CAMK2A: variants seen among roughly 807,000 people sequenced by gnomAD.
CAMK2A encodes calcium/calmodulin-dependent protein kinase type II subunit alpha.
Under a neutral mutation model 79.2 loss-of-function variants are expected in CAMK2A, and 7 were observed. The observed-to-expected ratio is 0.09, with a 90% CI of 0.05 to 0.17. The LOEUF is 0.17. CAMK2A is among the 10% of genes least tolerant of loss of function. The pLI is 1.00. For missense variants in CAMK2A, 214 were observed against 646.4 expected, an observed-to-expected ratio of 0.33 and a Z score of 7.25; for synonymous variants, 242 against 251.7, an observed-to-expected ratio of 0.96 and a Z score of 0.36.
intron 12 of CAMK2A, 137 bp from the exon 13 acceptor site, chr5:150,245,338 G>GCCTCCT (rs34649296): frequency 0.032 from 21,296 of 658,576 alleles, 532 homozygotes; most frequent in African/African-American, 0.13. Flanking sequence ...CCTGGGGGAG[G>GCCTCCT]CCTCCTCCTC....
chr5:150,272,975 A>G, intron 2 of CAMK2A, 90 bp downstream of exon 2: 1 of 982,018 alleles, frequency 1.0e-6, no homozygotes, highest in Non-Finnish European at 1.6e-6. Flanking sequence ...CCAGGGGCTC[A>G]GCCCTGGATC....
intron 2 of CAMK2A, among the ~76,000 whole-genome samples, chr5:150,270,102 G>T (rs1180645427): frequency 1.3e-5 from 2 of 152,200 alleles, no homozygotes; most frequent in African/African-American, 4.8e-5. Flanking sequence ...GTGTGCAGTG[G>T]GGAGGACGAG....
intron 4 of CAMK2A, 116 bp downstream of exon 4, chr5:150,257,447 C>A (rs1161451266): frequency 1.1e-6 from 1 of 885,722 alleles, no homozygotes; most frequent in Non-Finnish European, 1.8e-6. Flanking sequence ...AGGCCCACCA[C>A]ATTTGGGGAA....
At chr5:150,274,767 A>G (rs1756883664) in intron 1 of CAMK2A, among the ~76,000 whole-genome samples, 1 of 152,184 alleles carries the variant, frequency 6.6e-6, no homozygotes, top group Non-Finnish European at 1.5e-5. Context: ...TGTGTCTAGA[A>G]CTCAGATGTT....
At chr5:150,288,303 A>G (rs1757516614) in intron 1 of CAMK2A, among the ~76,000 whole-genome samples, 1 of 152,088 alleles carries the variant, frequency 6.6e-6, no homozygotes, top group South Asian at 2.1e-4. Context: ...GTGCACATTT[A>G]ATGAGTCATG....
chr5:150,244,405 C>A (rs928474676), intron 13 of CAMK2A, among the ~76,000 whole-genome samples: 1 of 152,254 alleles, frequency 6.6e-6, no homozygotes, highest in African/African-American at 2.4e-5. Flanking sequence ...AGCCCTGGGG[C>A]CCTCGCCAGG....
intron 14 of CAMK2A, among the ~76,000 whole-genome samples, chr5:150,239,261 C>A (rs55643067): frequency 6.6e-6 from 1 of 152,220 alleles, no homozygotes; most frequent in African/African-American, 2.4e-5. Context: ...GCTGGTGGCT[C>A]CCCTGCCACC....
At chr5:150,249,392 C>T (rs567510544) in intron 11 of CAMK2A, among the ~76,000 whole-genome samples, 7 of 152,338 alleles carry the variant, frequency 4.6e-5, no homozygotes, top group South Asian at 2.1e-4. Context: ...GCAGCTGGGG[C>T]GCCTCCCTGA....
Position 150,226,748 on chromosome 5 carries a change from G to C in CAMK2A, c.1237+1444C>G, listed in dbSNP as rs1271425674. Among the ~76,000 whole-genome samples, 148 of 140,358 alleles carry C rather than the reference G, an allele frequency of 1.1e-3. 4 individuals carry two copies. The highest frequency in any genetic ancestry group is 1.7e-3 in the Non-Finnish European group (108 of 64,056). The allele number at this position is 140,358 out of a possible 152,430, so 92.1% of individuals were successfully genotyped here. On this transcript the variant is annotated intron_variant, in intron 17 of 18. Coordinates refer to ENST00000671881, the MANE Select transcript of CAMK2A (RefSeq NM_015981.4). The stretch of plus-strand genomic sequence containing the variant: ...AGACTCAGTCAAAAAAAAAAAAGGG[G>C]GGGGGGGGATTTTCCTGAATTGATT...
intron 13 of CAMK2A, among the ~76,000 whole-genome samples, chr5:150,241,626 C>T (rs1214126529): frequency 1.4e-5 from 2 of 146,186 alleles, no homozygotes; most frequent in Non-Finnish European, 3.0e-5. Context: ...GTCCTCTCCT[C>T]TCCTCCCCTC....
intron 1 of CAMK2A, 41 bp from the exon 2 acceptor site, chr5:150,273,200 G>T (rs1475185542): frequency 6.8e-7 from 1 of 1,461,204 alleles, no homozygotes; most frequent in Non-Finnish European, 9.6e-7. Context: ...GGGAATGCCT[G>T]AGGGCTGTGT....
rs377385079 is a variant in CAMK2A at position 150,256,837 on chromosome 5, G to A, written c.273-6C>T. 1.2e-5 allele frequency: 19 copies of A among 1,613,278 alleles called. No individual in the cohort carries two copies. The highest frequency in any genetic ancestry group is 2.7e-5 in the African/African-American group (2 of 74,912). On this transcript the variant is annotated splice_region_variant and splice_polypyrimidine_tract_variant and intron_variant, in intron 4 of 18. Transcript: ENST00000671881. This position sits in a 1 kb window ranked among gnomAD's most constrained non-coding sequence, Gnocchi z 4.6. ...ACAGTTCCCCACCAGTGACCCTGGG[G>A]AGACAGGCATGGAATCACCCTCTAA...
chr5:150,245,210 G>A lies in CAMK2A; in HGVS notation c.944-9C>T. On this transcript the variant is annotated splice_polypyrimidine_tract_variant and intron_variant, in intron 12 of 18. Coordinates refer to ENST00000671881, the MANE Select transcript of CAMK2A (RefSeq NM_015981.4). Reference sequence around the variant, plus strand: ...TCCCCCACTCTTCCCTCCTGTGGAGGAGAAAAAGTAGAGGGTTAACAACGC... The same window carrying A: ...TCCCCCACTCTTCCCTCCTGTGGAGAAGAAAAAGTAGAGGGTTAACAACGC... The A allele has an allele frequency of 6.2e-7, 1 of 1,613,806 alleles. No homozygotes were observed. The highest frequency in any genetic ancestry group is 8.5e-7 in the Non-Finnish European group (1 of 1,179,832).
chr5:150,286,675 G>A (rs528804458), intron 1 of CAMK2A, among the ~76,000 whole-genome samples: 9 of 152,314 alleles, frequency 5.9e-5, no homozygotes, highest in South Asian at 2.1e-4. Flanking sequence ...TGGCAGGGAC[G>A]GTGGATCATC....
chr5:150,251,640 T>C, intron 9 of CAMK2A, 110 bp downstream of exon 9: 1 of 746,018 alleles, frequency 1.3e-6, no homozygotes, highest in South Asian at 2.2e-5. Flanking sequence ...TCAGTCTTCA[T>C]GCTCCCCTGG....
At position 150,275,861 on chromosome 5, in the gene CAMK2A, C is replaced by A. The variant is rs142927681; in HGVS notation, c.63-2702G>T. 3.4e-3 allele frequency among the ~76,000 whole-genome samples: 521 copies of A among 152,152 alleles called. 2 individuals carry two copies. Among genetic ancestry groups the A allele is most frequent in the African/African-American group, 0.012 (483 of 41,488 alleles). On this transcript the variant is annotated intron_variant, in intron 1 of 18. Transcript: ENST00000671881. The stretch of plus-strand genomic sequence containing the variant: ...TCTCCCAGCTCCGTACTTAAGAGAC[C>A]TTTATGGAGGCCTCATCACTAGGCA...
At position 150,252,022 on chromosome 5, in the gene CAMK2A, C is replaced by T; in HGVS notation, c.558G>A (p.Arg186=). The T allele has an allele frequency of 6.2e-7, 1 of 1,614,006 alleles. No homozygotes were observed. The highest frequency in any genetic ancestry group is 1.1e-5 in the South Asian group (1 of 91,084). ...TPGYLSPEVL[R]KDPYGKPVDL... ...CCACAGGCTTCCCGTACGGGTCCTTCCGCAGCACTTCTGGGGAGAGATATC... is the reference window on the plus strand; with the variant it reads ...CCACAGGCTTCCCGTACGGGTCCTTTCGCAGCACTTCTGGGGAGAGATATC... The change falls in exon 8 of 19, where the codon CGG becomes CGA. Residue 186 remains arginine (R), a synonymous_variant. Transcript: ENST00000671881.
chr5:150,287,103 C>T (rs1033580852), intron 1 of CAMK2A, among the ~76,000 whole-genome samples: 2 of 152,222 alleles, frequency 1.3e-5, no homozygotes, highest in Non-Finnish European at 2.9e-5. Context: ...GATGCTCAGA[C>T]TGAAGCTGCT....
chr5:150,235,441 T>C (rs995571722), intron 15 of CAMK2A, among the ~76,000 whole-genome samples: 1 of 152,230 alleles, frequency 6.6e-6, no homozygotes, highest in Non-Finnish European at 1.5e-5. Flanking sequence ...CCCCTACAGA[T>C]GGGAAAGCCC....
Sources: gnomAD v4.1 joint callset for allele counts (sites outside exome capture counted in the v4.1 genomes callset) on GRCh38, gnomAD v4.1.1 for gene constraint, Gnocchi (gnomAD v3.1) non-coding constraint, MANE v1.5 for transcripts, NCBI Gene and HGNC (gene_info 2026-07-23, HGNC 2026-07-21) for gene names.